Variants in CEACAM6 observed in about 807,000 individuals in gnomAD.
CEACAM6 encodes CEA cell adhesion molecule 6.
In CEACAM6, 21 loss-of-function variants were observed where a neutral mutation model predicts 32.4. The observed-to-expected ratio is 0.65, with a 90% confidence interval of 0.46 to 0.93. The LOEUF is 0.93. Ranked by LOEUF, CEACAM6 falls within the 40% of genes least tolerant of loss-of-function variation. The pLI is 0.00. For synonymous variants in CEACAM6, 184 were observed against 174.4 expected (o/e 1.06, Z -0.43); for missense variants, 406 against 432.2 (o/e 0.94, Z 0.54).
At position 41,771,987 on chromosome 19, in the gene CEACAM6, A is replaced by T. The variant is rs1185101340; in HGVS notation, c.*1226A>T. The T allele has an allele frequency of 3.9e-5, 6 of 152,098 alleles. No homozygotes were observed. Among genetic ancestry groups the T allele is most frequent in the African/African-American group, 1.4e-4 (6 of 41,418 alleles). 9.4% of individuals were successfully genotyped at this position (152,098 alleles called of 1,614,324 possible). On this transcript the variant is annotated 3_prime_UTR_variant, in exon 6 of 6. Coordinates refer to ENST00000199764, the MANE Select transcript of CEACAM6 (RefSeq NM_002483.7). ...GAGATTCCAGTCTACTTGAGTTAGC[A>T]TAATACAGAAGTCCCCTCTACTTTA...
In CEACAM6 at chr19:41,756,776, G is replaced by A. The variant is rs1555821159; in HGVS notation, c.241G>A (p.Gly81Arg). ...AGTGGATGGCAACAGTCTAATTGTA[G>A]GATATGTAATAGGAACTCAACAAGC... ...ERVDGNSLIVGYVIGTQQATP... is the reference protein window; with the variant it reads ...ERVDGNSLIVRYVIGTQQATP... The change falls in exon 2 of 6, where the codon GGA (glycine) becomes AGA (arginine). Residue 81 changes from glycine to arginine, a missense_variant. Coordinates refer to ENST00000199764, the MANE Select transcript of CEACAM6 (RefSeq NM_002483.7). The A allele has an allele frequency of 6.2e-7, 1 of 1,614,076 alleles. No homozygotes were observed. The highest frequency in any genetic ancestry group is 8.5e-7 in the Non-Finnish European group (1 of 1,180,012).
rs143742381 is a variant in CEACAM6 at position 41,761,828 on chromosome 19, G to T, written c.704-141G>T. On this transcript the variant is annotated intron_variant, in intron 3 of 5. Coordinates refer to ENST00000199764, the MANE Select transcript of CEACAM6 (RefSeq NM_002483.7). ...GAAACAGGTGAATGTCTCAGACTTTGGCTCAGGGGACATAGCGGGGGTTTG... is the reference window on the plus strand; with the variant it reads ...GAAACAGGTGAATGTCTCAGACTTTTGCTCAGGGGACATAGCGGGGGTTTG... 15 of 1,114,706 alleles carry T rather than the reference G, an allele frequency of 1.3e-5. No individual in the cohort carries two copies. The East Asian group carries it at 3.5e-4, about 26-fold the overall frequency. The allele number at this position is 1,114,706 out of a possible 1,614,324, so 69.1% of individuals were successfully genotyped here.
At chr19:41,770,615 A>G (rs1350523697) in intron 5 of CEACAM6, among the ~76,000 whole-genome samples, 187 bp from the exon 6 acceptor site, 1 of 152,204 alleles carries the variant, frequency 6.6e-6, no homozygotes, top group Non-Finnish European at 1.5e-5. Context: ...TTGCACTTAT[A>G]TAAAGAATGA....
At chr19:41,768,032 G>A (rs1349230954) in intron 5 of CEACAM6, among the ~76,000 whole-genome samples, 2 of 152,034 alleles carry the variant, frequency 1.3e-5, no homozygotes, top group East Asian at 1.9e-4. Flanking sequence ...ATATGCCACA[G>A]AAGTAACTAA....
At position 41,756,765 on chromosome 19, in the gene CEACAM6, G is replaced by C. The variant is rs1001036404; in HGVS notation, c.230G>C (p.Ser77Thr). 3 of 1,613,930 alleles carry C rather than the reference G, an allele frequency of 1.9e-6. No individual in the cohort carries two copies. The highest frequency in any genetic ancestry group is 2.5e-6 in the Non-Finnish European group (3 of 1,180,010). ...AAAGGCGAAAGAGTGGATGGCAACA[G>C]TCTAATTGTAGGATATGTAATAGGA... ...WYKGERVDGN[S>T]LIVGYVIGTQ... is the part of the protein sequence containing the mutation. The change falls in exon 2 of 6, where the codon AGT (serine) becomes ACT (threonine). Residue 77 changes from serine (S) to threonine (T), a missense_variant. Coordinates refer to ENST00000199764, the MANE Select transcript of CEACAM6 (RefSeq NM_002483.7).
Position 41,766,166 on chromosome 19 carries a change from T to C in CEACAM6, c.959-17T>C. On this transcript the variant is annotated splice_polypyrimidine_tract_variant and intron_variant, in intron 4 of 5. Transcript: ENST00000199764. ...AGAATAACATCACCTTCATTCCTTC[T>C]CTCTTCTTCCCACAAGGAAGTGCTC... 6.3e-7 allele frequency: 1 copy of C among 1,585,692 alleles called. No individual in the cohort carries two copies.
rs374585651 is a variant in CEACAM6, at chr19:41,758,866, C to G, written c.424+1907C>G. The stretch of plus-strand genomic sequence containing the variant: ...GCACAGAAATCAGCCGGAGCAGCCG[C>G]CCCTGCCGGGCTCCATCACGAGCCA... On this transcript the variant is annotated intron_variant, in intron 2 of 5. Coordinates refer to ENST00000199764, the MANE Select transcript of CEACAM6 (RefSeq NM_002483.7). Among the ~76,000 whole-genome samples, 46 of 152,340 alleles carry G rather than the reference C, an allele frequency of 3.0e-4. 1 individual carries two copies. Among genetic ancestry groups the G allele is most frequent in the African/African-American group, 1.1e-3 (44 of 41,562 alleles).
At chr19:41,768,041 A>G (rs1356849137) in intron 5 of CEACAM6, among the ~76,000 whole-genome samples, 1 of 152,190 alleles carries the variant, frequency 6.6e-6, no homozygotes, top group Non-Finnish European at 1.5e-5. Context: ...AGAAGTAACT[A>G]AATGTCTATG....
chr19:41,765,905 T>C (rs1282874350), intron 4 of CEACAM6, among the ~76,000 whole-genome samples: 1 of 152,234 alleles, frequency 6.6e-6, no homozygotes, highest in African/African-American at 2.4e-5. Flanking sequence ...CATAAAAATA[T>C]AGAAAGTTCT....
At chr19:41,763,762 C>G (rs8105477) in intron 4 of CEACAM6, among the ~76,000 whole-genome samples, 80,168 of 152,066 alleles carry the variant, frequency 0.53, 21,522 homozygotes, top group Middle Eastern at 0.68. Context: ...GTGCCACACA[C>G]GGCAATCTTC....
chr19:41,770,389 T>C (rs1230663388), intron 5 of CEACAM6, among the ~76,000 whole-genome samples: 1 of 150,262 alleles, frequency 6.7e-6, no homozygotes, highest in Non-Finnish European at 1.5e-5. Flanking sequence ...AGCCTGGGAG[T>C]GCATACATAG....
rs1555821972 is a variant in CEACAM6, at chr19:41,762,063, T to G, written c.798T>G (p.Pro266=). 5.6e-6 allele frequency: 9 copies of G among 1,614,086 alleles called. No homozygotes were observed. Among genetic ancestry groups the G allele is most frequent in the Non-Finnish European group, 6.8e-6 (8 of 1,180,034 alleles). Residue 266 remains proline, a synonymous_variant, in exon 4 of 6, where the codon CCT becomes CCG. Transcript: ENST00000199764. ...NLSCHAASNP[P]AQYSWFINGT... ...CCTGCCACGCAGCCTCTAACCCACC[T>G]GCACAGTACTCTTGGTTTATCAATG...
chr19:41,765,356 G>A (rs2072950046), intron 4 of CEACAM6, among the ~76,000 whole-genome samples: 1 of 152,190 alleles, frequency 6.6e-6, no homozygotes. Flanking sequence ...TGAGATGACT[G>A]GTGAGGGCTA....
Position 41,766,315 on chromosome 19 carries a change from C to T in CEACAM6, c.*40+16C>T. 1 of 1,358,396 alleles carries T rather than the reference C, an allele frequency of 7.4e-7. No individual in the cohort carries two copies. Among genetic ancestry groups the T allele is most frequent in the Non-Finnish European group, 1.0e-6 (1 of 985,734 alleles). 84.1% of individuals were successfully genotyped at this position (1,358,396 alleles called of 1,614,324 possible). ...AGACTGGCAGGTATGATCGCCTTTCCTCTTGCCATGTTTCCTGCAGGGCTG... is the reference window on the plus strand; with the variant it reads ...AGACTGGCAGGTATGATCGCCTTTCTTCTTGCCATGTTTCCTGCAGGGCTG... On this transcript the variant is annotated intron_variant, in intron 5 of 5. Transcript: ENST00000199764.
chr19:41,767,005 C>CAAAAA (rs34180480), intron 5 of CEACAM6, among the ~76,000 whole-genome samples: 5 of 88,472 alleles, frequency 5.7e-5, no homozygotes, highest in South Asian at 4.0e-4. Context: ...GACTCCGTCT[C>CAAAAA]AAAAAAAAAA....
At chr19:41,757,579 G>GA (rs1366742751) in intron 2 of CEACAM6, among the ~76,000 whole-genome samples, 4 of 152,108 alleles carry the variant, frequency 2.6e-5, no homozygotes, top group African/African-American at 9.7e-5. Context: ...AGGACAGATG[G>GA]AAAAAATTAC....
At chr19:41,764,943 A>G (rs1234932659) in intron 4 of CEACAM6, among the ~76,000 whole-genome samples, 1 of 152,220 alleles carries the variant, frequency 6.6e-6, no homozygotes, top group Non-Finnish European at 1.5e-5. Flanking sequence ...AATTCTCATC[A>G]CTAAGAAATG....
chr19:41,761,728 G>C (rs62117369), intron 3 of CEACAM6, among the ~76,000 whole-genome samples: 1 of 152,282 alleles, frequency 6.6e-6, no homozygotes, highest in African/African-American at 2.4e-5. Flanking sequence ...TGCTACTTCT[G>C]CTCAAACACC....
At chr19:41,758,515 C>T (rs1555821465) in intron 2 of CEACAM6, among the ~76,000 whole-genome samples, 2 of 152,120 alleles carry the variant, frequency 1.3e-5, no homozygotes, top group Admixed American at 6.5e-5. Flanking sequence ...AAACCTACCC[C>T]ATCTCATGTG....
Sources: allele counts gnomAD v4.1 joint callset (sites outside exome capture counted in the v4.1 genomes callset), GRCh38; gene constraint gnomAD v4.1.1; transcripts MANE v1.5; gene names NCBI Gene and HGNC (gene_info 2026-07-23, HGNC 2026-07-21).